The following FRMPD1 variants were observed in gnomAD, a reference collection of about 807,000 sequenced individuals.
FRMPD1 encodes FERM and PDZ domain-containing protein 1.
A neutral mutation model predicts 117.8 loss-of-function variants in FRMPD1; 76 were observed. The ratio of observed to expected loss-of-function variants is 0.65; its 90% confidence interval spans 0.54 to 0.78. The LOEUF (loss-of-function observed/expected upper bound fraction) is 0.78. Among genes scored for constraint, FRMPD1 ranks in the 30% least tolerant of loss-of-function variants. The pLI is 0.00. For missense variants in FRMPD1, 1,786 were observed against 1,964.5 expected (o/e 0.91, Z 1.72); for synonymous variants, 783 against 770.4 (o/e 1.02, Z -0.27).
intron 1 of FRMPD1, among the ~76,000 whole-genome samples, chr9:37,689,883 T>A (rs2118007594): frequency 6.6e-6 from 1 of 152,350 alleles, no homozygotes; most frequent in Admixed American, 6.5e-5. Flanking sequence ...GTGCCATTTT[T>A]AATTTCATTT....
the FRMPD1 span, among the ~76,000 whole-genome samples, chr9:37,623,411 C>T: frequency 7.9e-5 from 12 of 152,206 alleles, 1 homozygote; most frequent in Admixed American, 7.9e-4. Flanking sequence ...AGTTGTTTAT[C>T]TCTTAAGGAA....
chr9:37,654,078 A>T (rs1200635446), intron 1 of FRMPD1, among the ~76,000 whole-genome samples: 2 of 152,236 alleles, frequency 1.3e-5, no homozygotes, highest in Non-Finnish European at 2.9e-5. Flanking sequence ...TGTTCATAGA[A>T]CACCTGCTCT....
intron 1 of FRMPD1, among the ~76,000 whole-genome samples, chr9:37,690,214 A>G (rs986304354): frequency 4.6e-5 from 7 of 152,060 alleles, no homozygotes; most frequent in Non-Finnish European, 1.0e-4. Flanking sequence ...TACTCTTCCT[A>G]CAGTCTTTCA....
Position 37,745,954 on chromosome 9 carries a change from G to A in FRMPD1, c.3922G>A (p.Ala1308Thr), listed in dbSNP as rs1824689257. 2 of 1,614,090 alleles carry A rather than the reference G, an allele frequency of 1.2e-6. No homozygotes were observed. The highest frequency in any genetic ancestry group is 2.7e-5 in the African/African-American group (2 of 74,938). The change falls in exon 16 of 16, where the codon GCC becomes ACC. Residue 1308 changes from alanine to threonine, a missense_variant. By Grantham distance (58) the Ala-to-Thr change is moderately conservative. Transcript: ENST00000377765. Reference protein sequence around the residue: ...FAPESHPEVSASLRVATSLGF... With the variant: ...FAPESHPEVSTSLRVATSLGF... The stretch of plus-strand genomic sequence containing the variant: ...CCCAGAAAGCCATCCTGAAGTCTCT[G>A]CCAGTCTCAGGGTGGCCACATCTTT...
At chr9:37,615,230 A>C in the FRMPD1 span, among the ~76,000 whole-genome samples, 1 of 151,992 alleles carries the variant, frequency 6.6e-6, no homozygotes, top group African/African-American at 2.4e-5. Flanking sequence ...CTCCTATGTC[A>C]GCCTCCTGAG....
chr9:37,731,888 AAAAG>A (rs1350995408), intron 9 of FRMPD1, among the ~76,000 whole-genome samples: 4 of 152,154 alleles, frequency 2.6e-5, no homozygotes, highest in African/African-American at 9.7e-5. Context: ...AAGAAAAAAA[AAAAG>A]AAAAAGAATC....
chr9:37,617,981 C>G, the FRMPD1 span, among the ~76,000 whole-genome samples: 1 of 152,100 alleles, frequency 6.6e-6, no homozygotes, highest in African/African-American at 2.4e-5. Flanking sequence ...TAGTGATGTT[C>G]GGATGACTGA....
chr9:37,691,328 G>A (rs1246583950), intron 1 of FRMPD1, among the ~76,000 whole-genome samples: 1 of 152,104 alleles, frequency 6.6e-6, no homozygotes, highest in Admixed American at 6.6e-5. Flanking sequence ...GCTTTCTCCT[G>A]TACTTACTGC....
At chr9:37,690,272 G>T (rs1822086436) in intron 1 of FRMPD1, among the ~76,000 whole-genome samples, 1 of 151,612 alleles carries the variant, frequency 6.6e-6, no homozygotes, top group African/African-American at 2.4e-5. Context: ...TTTTATTCTA[G>T]CTGCCTTATT....
rs78958505 is a variant in FRMPD1, at chr9:37,662,249, A to G, written c.-5+11155A>G. ...CGCACAATAATAAACCCACTCCTGC[A>G]ATAACAGCATTAGTCTGTTCATGAG... On this transcript the variant is annotated intron_variant, in intron 1 of 15. Coordinates refer to ENST00000377765, the MANE Select transcript of FRMPD1 (RefSeq NM_014907.3). Among the ~76,000 whole-genome samples the G allele has an allele frequency of 4.5e-3, 679 of 152,308 alleles. 6 individuals carry two copies. The highest frequency in any genetic ancestry group is 0.015 in the African/African-American group (617 of 41,562).
chr9:37,604,683 G>A, the FRMPD1 span, among the ~76,000 whole-genome samples: 1 of 152,204 alleles, frequency 6.6e-6, no homozygotes, highest in Non-Finnish European at 1.5e-5. Context: ...AAATCCTGAT[G>A]GACAAGGCAC....
intron 5 of FRMPD1, among the ~76,000 whole-genome samples, chr9:37,712,342 A>T (rs1237790224): frequency 6.6e-6 from 1 of 152,188 alleles, no homozygotes; most frequent in Non-Finnish European, 1.5e-5. Flanking sequence ...AATAATTGAA[A>T]ATTAAAACTG....
At chr9:37,651,375 G>T (rs939588756) in intron 1 of FRMPD1, among the ~76,000 whole-genome samples, 7 of 152,220 alleles carry the variant, frequency 4.6e-5, no homozygotes, top group African/African-American at 7.2e-5. Context: ...AACGCGGGAG[G>T]GGGAGAGACC....
At chr9:37,644,908 C>G in the FRMPD1 span, among the ~76,000 whole-genome samples, 1 of 152,032 alleles carries the variant, frequency 6.6e-6, no homozygotes, top group Admixed American at 6.6e-5. Context: ...GTGGCATCTG[C>G]CCCCGGGGGC....
chr9:37,742,770 G>A (rs1824484157), intron 15 of FRMPD1, among the ~76,000 whole-genome samples: 1 of 152,062 alleles, frequency 6.6e-6, no homozygotes. Context: ...ATGGTGGCGT[G>A]CACCTGTAAT....
At chr9:37,640,142 C>A in the FRMPD1 span, among the ~76,000 whole-genome samples, 1 of 152,154 alleles carries the variant, frequency 6.6e-6, no homozygotes, top group African/African-American at 2.4e-5. Context: ...GATACCGATA[C>A]CTCACTCAGG....
At chr9:37,711,530 G>A in intron 5 of FRMPD1, 135 bp downstream of exon 5, 1 of 724,640 alleles carries the variant, frequency 1.4e-6, no homozygotes, top group Non-Finnish European at 2.5e-6. Flanking sequence ...GGCAGTGGGT[G>A]GCCAGTCAGT....
At chr9:37,720,478 C>A (rs1291246636) in intron 6 of FRMPD1, among the ~76,000 whole-genome samples, 1 of 152,168 alleles carries the variant, frequency 6.6e-6, no homozygotes, top group African/African-American at 2.4e-5. Flanking sequence ...TCCTGGCTAA[C>A]ATGGCGAAAC....
At chr9:37,710,826 C>T (rs886959722) in intron 4 of FRMPD1, among the ~76,000 whole-genome samples, 6 of 151,680 alleles carry the variant, frequency 4.0e-5, no homozygotes, top group Non-Finnish European at 5.9e-5. Context: ...GGTGTGGTGG[C>T]GGGTGCCTGT....
Sources: allele counts gnomAD v4.1 joint callset (sites outside exome capture counted in the v4.1 genomes callset), GRCh38; gene constraint gnomAD v4.1.1; transcripts MANE v1.5; gene names NCBI Gene and HGNC (gene_info 2026-07-23, HGNC 2026-07-21).